The following RPF1 variants were observed in gnomAD, a reference collection of about 807,000 sequenced individuals.
RPF1 encodes ribosome production factor 1 homolog.
RPF1 carries 34 observed loss-of-function variants against 41.9 expected under a neutral mutation model. The ratio of observed to expected loss-of-function variants is 0.81; its 90% CI spans 0.62 to 1.08. RPF1 has a LOEUF of 1.08. Among genes scored for constraint, RPF1 ranks in the 50% least tolerant of loss-of-function variants. RPF1 has a pLI of 0.00. For synonymous variants in RPF1, 140 were observed against 148.9 expected (o/e 0.94, Z 0.43); for missense variants, 425 against 435.2 (o/e 0.98, Z 0.21).
chr1:84,496,732 G>A (rs930808410), intron 8 of RPF1, among the ~76,000 whole-genome samples: 1 of 152,054 alleles, frequency 6.6e-6, no homozygotes, highest in Non-Finnish European at 1.5e-5. Flanking sequence ...AGCAATTTAG[G>A]GGGTGGGACC....
intron 3 of RPF1, among the ~76,000 whole-genome samples, chr1:84,487,076 C>G (rs1681751248): frequency 6.6e-6 from 1 of 152,020 alleles, no homozygotes; most frequent in African/African-American, 2.4e-5. Flanking sequence ...GCTTGGAATT[C>G]AGGAAAGAGG....
intron 3 of RPF1, chr1:84,483,363 T>C (rs12124568): frequency 0.18 from 31,612 of 173,724 alleles, 3,023 homozygotes; most frequent in South Asian, 0.31. Context: ...GCCTCCCAGG[T>C]TCAAGCAATT....
Position 84,479,302 on chromosome 1 carries a change from G to A in RPF1, c.21G>A (p.Lys7=), listed in dbSNP as rs370919713. The change falls in exon 1 of 9, where the codon AAG becomes AAA. Residue 7 remains lysine (K), a synonymous_variant. Coordinates refer to ENST00000370654, the MANE Select transcript of RPF1 (RefSeq NM_025065.7). ...AGACCATGGCGAAAGCCGGGGATAA[G>A]AGCAGCAGCAGCGGGAAGAAAAGTC... The part of the protein sequence containing the change: MAKAGD[K]SSSSGKKSLK... 3.7e-6 allele frequency: 6 copies of A among 1,606,518 alleles called. No individual in the cohort carries two copies. The highest frequency in any genetic ancestry group is 2.2e-5 in the South Asian group (2 of 90,460).
At chr1:84,483,978 C>A (rs756151935) in intron 3 of RPF1, among the ~76,000 whole-genome samples, 1 of 152,088 alleles carries the variant, frequency 6.6e-6, no homozygotes, top group East Asian at 1.9e-4. Flanking sequence ...CATACACATA[C>A]ACACACACAA....
chr1:84,479,553 T>G, intron 1 of RPF1, 44 bp downstream of exon 1: 5 of 1,586,858 alleles, frequency 3.2e-6, no homozygotes, highest in Non-Finnish European at 4.3e-6. Context: ...GCGTTGTTCC[T>G]GACGCTTAGG....
chr1:84,480,111 C>A (rs1681616570), intron 1 of RPF1, among the ~76,000 whole-genome samples: 1 of 152,196 alleles, frequency 6.6e-6, no homozygotes, highest in South Asian at 2.1e-4. Flanking sequence ...TTTGCTTATT[C>A]TTGCACATCG....
chr1:84,490,544 T>A, intron 5 of RPF1, 72 bp downstream of exon 5: 1 of 1,047,704 alleles, frequency 9.5e-7, no homozygotes, highest in Non-Finnish European at 1.4e-6. Context: ...TTTAAAAGAA[T>A]AAGGAAATAT....
chr1:84,493,402 T>C (rs1269400515), intron 5 of RPF1, among the ~76,000 whole-genome samples: 1 of 151,526 alleles, frequency 6.6e-6, no homozygotes, highest in African/African-American at 2.4e-5. Flanking sequence ...GGTGGATCGC[T>C]TGAGACCAGC....
intron 5 of RPF1, among the ~76,000 whole-genome samples, 168 bp downstream of exon 5, chr1:84,490,640 C>T (rs887047180): frequency 2.0e-5 from 3 of 152,078 alleles, no homozygotes; most frequent in African/African-American, 7.2e-5. Context: ...CCTTTGTATT[C>T]ACCAAACATT....
rs779997935 is a variant in RPF1 at position 84,479,492 on chromosome 1, A to C, written c.211A>C (p.Lys71Gln). The change falls in exon 1 of 9, where the codon AAA (lysine) becomes CAA (glutamine). Residue 71 changes from lysine (K) to glutamine (Q), a missense_variant. Coordinates refer to ENST00000370654, the MANE Select transcript of RPF1 (RefSeq NM_025065.7). The part of the protein sequence containing the change: ...QRRHLMFTRW[K>Q]QQQRKEKLAA... ...GCGACACTTAATGTTCACGCGGTGG[A>C]AACAGCAGCAGCGGAAGGTACGCGA... The C allele has an allele frequency of 2.0e-5, 32 of 1,613,982 alleles. No individual in the cohort carries two copies. Among genetic ancestry groups the C allele is most frequent in the Non-Finnish European group, 2.6e-5 (31 of 1,179,946 alleles).
At chr1:84,492,239 G>GA (rs1465883780) in intron 5 of RPF1, among the ~76,000 whole-genome samples, 4 of 148,682 alleles carry the variant, frequency 2.7e-5, no homozygotes, top group African/African-American at 7.9e-5. Context: ...GGTGACACAT[G>GA]GGGGGAAAGT....
At chr1:84,493,112 T>C (rs557624330) in intron 5 of RPF1, among the ~76,000 whole-genome samples, 4 of 152,054 alleles carry the variant, frequency 2.6e-5, no homozygotes, top group African/African-American at 9.6e-5. Flanking sequence ...TAAGTTTGGG[T>C]TTTGTACTTG....
intron 3 of RPF1, chr1:84,483,227 A>G (rs143788040): frequency 8.0e-6 from 4 of 500,058 alleles, no homozygotes; most frequent in African/African-American, 3.9e-5. Context: ...CATTTGTCAT[A>G]TAATCCCTGA....
chr1:84,486,587 C>CAAAAAAAAAA (rs896267195), intron 3 of RPF1, among the ~76,000 whole-genome samples: 2 of 64,528 alleles, frequency 3.1e-5, no homozygotes, highest in African/African-American at 1.1e-4. Flanking sequence ...GACTCCGTCT[C>CAAAAAAAAAA]AAAAAAAAAA....
chr1:84,492,357 A>C (rs1256800966), intron 5 of RPF1, among the ~76,000 whole-genome samples: 1 of 152,216 alleles, frequency 6.6e-6, no homozygotes, highest in East Asian at 1.9e-4. Flanking sequence ...GAATGGTGAA[A>C]GTTAAAGGGA....
At chr1:84,489,282 T>G (rs1300227472) in intron 3 of RPF1, among the ~76,000 whole-genome samples, 2 of 151,888 alleles carry the variant, frequency 1.3e-5, no homozygotes, top group Admixed American at 6.6e-5. Context: ...ATTTCATTAG[T>G]TTTTTTTGGT....
At chr1:84,494,875 T>C (rs1384460177) in intron 5 of RPF1, among the ~76,000 whole-genome samples, 1 of 152,174 alleles carries the variant, frequency 6.6e-6, no homozygotes, top group Non-Finnish European at 1.5e-5. Flanking sequence ...CTTAATTTCA[T>C]AGAGGAAAGT....
At chr1:84,479,663 CCT>C (rs1293173847) in intron 1 of RPF1, among the ~76,000 whole-genome samples, 154 bp downstream of exon 1, 1 of 152,172 alleles carries the variant, frequency 6.6e-6, no homozygotes, top group African/African-American at 2.4e-5. Flanking sequence ...GTTCTGGTCC[CCT>C]CGCCCTAGTT....
chr1:84,483,092 G>A, intron 3 of RPF1, 97 bp downstream of exon 3: 1 of 727,942 alleles, frequency 1.4e-6, no homozygotes, highest in South Asian at 1.8e-5. Flanking sequence ...TGGCCAAGTT[G>A]CATAATGGAC....
Sources: gnomAD v4.1 joint callset for allele counts (sites outside exome capture counted in the v4.1 genomes callset) on GRCh38, gnomAD v4.1.1 for gene constraint, MANE v1.5 for transcripts, NCBI Gene and HGNC (gene_info 2026-07-23, HGNC 2026-07-21) for gene names.